SLCO3A1: variants seen among roughly 807,000 people sequenced by gnomAD.
The protein encoded by SLCO3A1 is solute carrier organic anion transporter family member 3A1.
A neutral mutation model predicts 63.1 loss-of-function variants in SLCO3A1; 27 were observed. The observed-to-expected ratio is 0.43, with a 90% CI of 0.32 to 0.59. SLCO3A1 has a LOEUF of 0.59. Among genes scored for constraint, SLCO3A1 ranks in the 20% least tolerant of loss-of-function variants. SLCO3A1 has a pLI of 0.09. For synonymous variants in SLCO3A1, 473 were observed against 409.9 expected, an observed-to-expected ratio of 1.15 and a Z score of -1.86; for missense variants, 773 against 945.8, an observed-to-expected ratio of 0.82 and a Z score of 2.40.
intron 1 of SLCO3A1, among the ~76,000 whole-genome samples, chr15:91,893,695 A>G (rs972005622): frequency 6.6e-6 from 1 of 152,202 alleles, no homozygotes; most frequent in Non-Finnish European, 1.5e-5. Flanking sequence ...GCATTTCTCA[A>G]ACATCCGTGG....
intron 7 of SLCO3A1, among the ~76,000 whole-genome samples, chr15:92,140,710 A>G (rs2048120023): frequency 6.6e-6 from 1 of 152,182 alleles, no homozygotes; most frequent in Admixed American, 6.5e-5. Context: ...TTCTTGTTGA[A>G]TTGATCCCTT....
intron 9 of SLCO3A1, among the ~76,000 whole-genome samples, chr15:92,157,427 C>G (rs546637919): frequency 3.2e-4 from 48 of 152,124 alleles, no homozygotes; most frequent in Middle Eastern, 3.4e-3. Flanking sequence ...ACACCTGGCC[C>G]CCCCCCTTGT....
At position 91,853,728 on chromosome 15, in the gene SLCO3A1, G is replaced by GGAAGGAT; in HGVS notation, c.-180_-179insAAGGATG. 1.8e-6 allele frequency: 1 copy of GGAAGGAT among 550,506 alleles called. No homozygotes were observed. The highest frequency in any genetic ancestry group is 2.4e-6 in the Non-Finnish European group (1 of 422,108). The allele number at this position is 550,506 out of a possible 1,614,324, so 34.1% of individuals were successfully genotyped here. A position where few individuals can be genotyped will look rare whatever the true frequency, so the allele number is the denominator to read the frequency against. ...AAGGGGCGATCGCGGCGGCGGCGGCGGCGGCGAGGAGCTGTGCCTTCCACC... is the reference window on the plus strand; with the variant it reads ...AAGGGGCGATCGCGGCGGCGGCGGCGGAAGGATGCGGCGAGGAGCTGTGCCTTCCACC... On this transcript the variant is annotated 5_prime_UTR_variant, in exon 1 of 10. The change creates a new upstream start codon in the 5' untranslated region. Coordinates refer to ENST00000318445, the MANE Select transcript of SLCO3A1 (RefSeq NM_013272.4).
intron 2 of SLCO3A1, among the ~76,000 whole-genome samples, chr15:92,050,850 T>TGTA (rs1217138895): frequency 6.6e-6 from 1 of 152,166 alleles, no homozygotes; most frequent in Non-Finnish European, 1.5e-5. Flanking sequence ...CTCGGGATGA[T>TGTA]GTAGCCTCCT....
At chr15:92,038,639 G>A (rs968805074) in intron 2 of SLCO3A1, among the ~76,000 whole-genome samples, 7 of 152,138 alleles carry the variant, frequency 4.6e-5, no homozygotes, top group African/African-American at 1.4e-4. Flanking sequence ...CATCCTCCTG[G>A]ATAGGAAGAA....
intron 7 of SLCO3A1, among the ~76,000 whole-genome samples, chr15:92,144,122 C>A (rs1413711818): frequency 6.6e-6 from 1 of 152,272 alleles, no homozygotes; most frequent in East Asian, 1.9e-4. Flanking sequence ...GAAATGGCCT[C>A]AGCTTCCCTT....
intron 8 of SLCO3A1, 139 bp from the exon 9 acceptor site, chr15:92,150,811 G>A (rs1280742956): frequency 1.9e-6 from 1 of 535,128 alleles, no homozygotes; most frequent in East Asian, 3.1e-5. Context: ...GACACTATTA[G>A]TAATTTTAAA....
At chr15:92,154,939 C>G (rs141534710) in intron 9 of SLCO3A1, among the ~76,000 whole-genome samples, 3 of 152,138 alleles carry the variant, frequency 2.0e-5, no homozygotes, top group African/African-American at 7.2e-5. Context: ...TGTCTGACTT[C>G]GAGATTATGG....
Position 92,138,187 on chromosome 15 carries a change from A to C in SLCO3A1, c.1513-8797A>C, listed in dbSNP as rs200435564. Among the ~76,000 whole-genome samples the C allele has an allele frequency of 6.7e-3, 742 of 110,488 alleles. 30 individuals are homozygous for C. The East Asian group carries it at 0.13, about 20-fold the overall frequency. 72.5% of individuals were successfully genotyped at this position (110,488 alleles called of 152,430 possible). A position where few individuals can be genotyped will look rare whatever the true frequency, so the allele number is the denominator to read the frequency against. ...GGAAGGGATCCAGTTTCAGCTTTCT[A>C]CATATGGCTAGCCAGTTTTCCCAGC... On this transcript the variant is annotated intron_variant, in intron 7 of 9. Coordinates refer to ENST00000318445, the MANE Select transcript of SLCO3A1 (RefSeq NM_013272.4).
chr15:92,096,257 A>T (rs540142511), intron 3 of SLCO3A1, among the ~76,000 whole-genome samples: 1 of 152,276 alleles, frequency 6.6e-6, no homozygotes, highest in Non-Finnish European at 1.5e-5. Flanking sequence ...AACCCAAGAG[A>T]AGGTGAGAGA....
At chr15:92,012,357 T>C (rs990951679) in intron 2 of SLCO3A1, among the ~76,000 whole-genome samples, 1 of 152,096 alleles carries the variant, frequency 6.6e-6, no homozygotes, top group East Asian at 1.9e-4. Context: ...ATGAGCAAAT[T>C]GAAAGTGAAG....
chr15:91,915,724 C>T (rs1257431347), intron 1 of SLCO3A1, among the ~76,000 whole-genome samples: 1 of 152,086 alleles, frequency 6.6e-6, no homozygotes, highest in Non-Finnish European at 1.5e-5. Context: ...AGGGTAGAAG[C>T]TTTCAGGATG....
intron 1 of SLCO3A1, among the ~76,000 whole-genome samples, chr15:91,904,287 T>C (rs760561282): frequency 2.0e-5 from 3 of 152,218 alleles, no homozygotes; most frequent in Non-Finnish European, 2.9e-5. Flanking sequence ...GACCAGATAC[T>C]GTGCATCCAA....
At chr15:91,906,158 C>T (rs900126879) in intron 1 of SLCO3A1, among the ~76,000 whole-genome samples, 1 of 152,156 alleles carries the variant, frequency 6.6e-6, no homozygotes, top group African/African-American at 2.4e-5. Flanking sequence ...GTAAAGCGCT[C>T]CATACTGGAC....
chr15:92,126,601 G>T (rs1033850851), intron 6 of SLCO3A1, among the ~76,000 whole-genome samples: 3 of 152,166 alleles, frequency 2.0e-5, no homozygotes, highest in African/African-American at 7.2e-5. Flanking sequence ...AGACAGAATT[G>T]ATTTGATTTC....
chr15:91,937,748 T>A (rs1597137939), intron 2 of SLCO3A1, among the ~76,000 whole-genome samples: 1 of 149,550 alleles, frequency 6.7e-6, no homozygotes, highest in Admixed American at 6.7e-5. Flanking sequence ...GGAGTGAGGC[T>A]TATAAATCTG....
intron 2 of SLCO3A1, among the ~76,000 whole-genome samples, chr15:91,986,509 T>C (rs1389308866): frequency 6.6e-6 from 1 of 152,164 alleles, no homozygotes; most frequent in Non-Finnish European, 1.5e-5. Flanking sequence ...AAAATTCATT[T>C]TATGTTGACC....
At chr15:91,924,786 T>C (rs1199099160) in intron 2 of SLCO3A1, among the ~76,000 whole-genome samples, 2 of 152,178 alleles carry the variant, frequency 1.3e-5, no homozygotes, top group Admixed American at 6.5e-5. Context: ...GAAACCATTT[T>C]CCTAAGCCAG....
chr15:91,928,543 A>G (rs2151388675), intron 2 of SLCO3A1, among the ~76,000 whole-genome samples: 1 of 152,336 alleles, frequency 6.6e-6, no homozygotes, highest in East Asian at 1.9e-4. Flanking sequence ...AGGATAATAT[A>G]GGACCCCAAG....
Sources: allele counts gnomAD v4.1 joint callset (sites outside exome capture counted in the v4.1 genomes callset), GRCh38; gene constraint gnomAD v4.1.1; transcripts MANE v1.5; gene names NCBI Gene and HGNC (gene_info 2026-07-23, HGNC 2026-07-21).